ANKRD36B: variants seen among roughly 807,000 people sequenced by gnomAD.
ANKRD36B encodes ankyrin repeat domain 36B.
A neutral mutation model predicts 135.7 loss-of-function variants in ANKRD36B; 37 were observed. That is an observed-to-expected ratio of 0.27 (90% confidence interval 0.21 to 0.36). The LOEUF (loss-of-function observed/expected upper bound fraction) is 0.36. Among genes scored for constraint, ANKRD36B ranks in the 10% least tolerant of loss-of-function variants. The probability of loss-of-function intolerance (pLI) is 1.00; values close to 1 mark genes in which losing one functional copy is unlikely to be tolerated. For missense variants in ANKRD36B, 549 were observed against 1,037.1 expected (o/e 0.53, Z 6.46); for synonymous variants, 179 against 348.1 (o/e 0.51, Z 5.41).
intron 6 of ANKRD36B, among the ~76,000 whole-genome samples, chr2:97,563,700 A>C (rs994400877): frequency 1.1e-4 from 17 of 152,160 alleles, no homozygotes; most frequent in Non-Finnish European, 2.4e-4. Flanking sequence ...TCTCAGGGTC[A>C]TGACATGTCA....
chr2:97,569,041 T>C (rs2081643157), intron 6 of ANKRD36B, among the ~76,000 whole-genome samples: 1 of 152,222 alleles, frequency 6.6e-6, no homozygotes, highest in Non-Finnish European at 1.5e-5. Context: ...TCCAGTTTTA[T>C]AAAGTACAAC....
intron 3 of ANKRD36B, among the ~76,000 whole-genome samples, chr2:97,581,888 C>T (rs879312952): frequency 1.4e-4 from 22 of 152,056 alleles, no homozygotes; most frequent in African/African-American, 4.8e-4. Flanking sequence ...CTGCAACCTC[C>T]GCCTCCCGGA....
intron 6 of ANKRD36B, 109 bp from the exon 7 acceptor site, chr2:97,560,969 A>C: frequency 1.1e-6 from 1 of 901,082 alleles, no homozygotes; most frequent in Non-Finnish European, 1.7e-6. Context: ...TCCTGCCTGT[A>C]TTACTGTAGG....
At position 97,553,178 on chromosome 2, in the gene ANKRD36B, T is replaced by G. The variant is rs2080218343; in HGVS notation, c.1263A>C (p.Lys421Asn). 1.2e-6 allele frequency: 2 copies of G among 1,611,068 alleles called. No homozygotes were observed. The highest frequency in any genetic ancestry group is 1.3e-5 in the African/African-American group (1 of 74,704). The change falls in exon 16 of 44, where the codon AAA becomes AAC. Residue 421 changes from lysine to asparagine, a missense_variant. Transcript: ENST00000359901. ...GTTTTGCAAAATTACCTGTCCCAGA[T>G]TTTTCTCCATCCTTTATTTCTGTGG... ...NIATEIKDGE[K>N]SGTVSSQKKP...
At chr2:97,556,114 T>C (rs1026914622) in intron 12 of ANKRD36B, among the ~76,000 whole-genome samples, 16 of 151,926 alleles carry the variant, frequency 1.1e-4, no homozygotes, top group African/African-American at 3.4e-4. Flanking sequence ...TGGAATATCA[T>C]TGTATTATAA....
chr2:97,548,054 A>G (rs141055278), intron 20 of ANKRD36B, among the ~76,000 whole-genome samples: 1,816 of 151,872 alleles, frequency 0.012, 39 homozygotes, highest in African/African-American at 0.041. Flanking sequence ...AGAAACTCAT[A>G]CACCTGAGAA....
In ANKRD36B at chr2:97,547,712, T is replaced by C. The variant is rs760282420; in HGVS notation, c.1497A>G (p.Pro499=). 82 of 1,561,728 alleles carry C rather than the reference T, an allele frequency of 5.3e-5. No individual in the cohort carries two copies. Among genetic ancestry groups the C allele is most frequent in the Non-Finnish European group, 6.3e-5 (72 of 1,151,020 alleles). The change falls in exon 21 of 44, where the codon CCA becomes CCG. Residue 499 remains proline (P), a synonymous_variant. Transcript: ENST00000359901. The stretch of plus-strand genomic sequence containing the variant: ...ATGACAGTTTCATTACCTTCAAGCC[T>C]GGTGGTTGCTCAAAAGACACTGAAA... ...KSRTVSFEQP[P]GLKATRDEKD...
At chr2:97,536,190 T>G in intron 34 of ANKRD36B, 110 bp downstream of exon 34, 3 of 468,630 alleles carry the variant, frequency 6.4e-6, no homozygotes, top group Non-Finnish European at 1.2e-5. Context: ...TTAGATGAAA[T>G]CCTGAAATAA....
In ANKRD36B at chr2:97,578,982, G is replaced by T. The variant is rs1398815599; in HGVS notation, c.619C>A (p.His207Asn). 2.5e-6 allele frequency: 4 copies of T among 1,612,786 alleles called. No homozygotes were observed. Among genetic ancestry groups the T allele is most frequent in the Non-Finnish European group, 3.4e-6 (4 of 1,179,160 alleles). Residue 207 changes from histidine (H) to asparagine (N), a missense_variant, in exon 5 of 44, where the codon CAC becomes AAC. By Grantham distance (68) the His-to-Asn change is moderately conservative (BLOSUM62 1). Coordinates refer to ENST00000359901, the MANE Select transcript of ANKRD36B (RefSeq NM_001393939.1). ...TCTCGAGAAAACACATCAATATTGT[G>T]CTGCAGAAGAAGAATGACTATATCT... The part of the protein sequence containing the change: ...EKDIVILLLQ[H>N]NIDVFSRDVY...
chr2:97,533,032 T>C lies in ANKRD36B; in HGVS notation c.2192-648A>G, dbSNP rs1305410472. Among the ~76,000 whole-genome samples, 2 of 96,902 alleles carry C rather than the reference T, an allele frequency of 2.1e-5. 1 individual carries two copies. The highest frequency in any genetic ancestry group is 5.5e-5 in the Non-Finnish European group (2 of 36,504). The allele number at this position is 96,902 out of a possible 152,430, so 63.6% of individuals were successfully genotyped here. On this transcript the variant is annotated intron_variant, in intron 34 of 43. Transcript: ENST00000359901. ...CTGTTCTTTACTTCACAATAGTACCTTTAGAACAGCACATTGAGCCTGCTG... is the reference window on the plus strand; with the variant it reads ...CTGTTCTTTACTTCACAATAGTACCCTTAGAACAGCACATTGAGCCTGCTG...
Position 97,580,549 on chromosome 2 carries a change from A to G in ANKRD36B, c.470T>C (p.Leu157Ser). 6.5e-7 allele frequency: 1 copy of G among 1,546,404 alleles called. No homozygotes were observed. The highest frequency in any genetic ancestry group is 8.7e-7 in the Non-Finnish European group (1 of 1,144,080). Residue 157 changes from leucine to serine, a missense_variant, in exon 4 of 44, where the codon TTA becomes TCA. By Grantham distance (145) the Leu-to-Ser change is moderately radical (BLOSUM62 -2). Coordinates refer to ENST00000359901, the MANE Select transcript of ANKRD36B (RefSeq NM_001393939.1). Reference protein sequence around the residue: ...ECSKNEYQPLLLAVSRRKVKM... With the variant: ...ECSKNEYQPLSLAVSRRKVKM... ...CACTTTTCTTCGACTCACAGCAAGT[A>G]ACAGTGGCTGATATTCATTCTGTAA...
chr2:97,537,348 G>A (rs1406677762), intron 32 of ANKRD36B, among the ~76,000 whole-genome samples: 1 of 95,716 alleles, frequency 1.0e-5, no homozygotes, highest in African/African-American at 3.1e-5. Context: ...AGTCTGCTCT[G>A]GAATATCACT....
chr2:97,571,024 C>T (rs1177904113), intron 6 of ANKRD36B, among the ~76,000 whole-genome samples: 1 of 151,870 alleles, frequency 6.6e-6, no homozygotes, highest in Non-Finnish European at 1.5e-5. Flanking sequence ...AATAATTATG[C>T]CAAAAAATGA....
Position 97,551,313 on chromosome 2 carries a change from T to G in ANKRD36B, c.1351A>C (p.Lys451Gln), listed in dbSNP as rs2080041571. 6.4e-7 allele frequency: 1 copy of G among 1,573,146 alleles called. No individual in the cohort carries two copies. The highest frequency in any genetic ancestry group is 8.6e-7 in the Non-Finnish European group (1 of 1,162,368). Residue 451 changes from lysine to glutamine, a missense_variant, in exon 18 of 44, where the codon AAG becomes CAG. Physicochemically the swap from Lys to Gln is moderately conservative, Grantham distance 53. Coordinates refer to ENST00000359901, the MANE Select transcript of ANKRD36B (RefSeq NM_001393939.1). ...CCTGTCCTAGATATTTCTCCATCCT[T>G]TTTTTCTCTGGTTATATTCGAAAAA... Reference protein sequence around the residue: ...DSFSNITREKKDGEISRTVSS... With the variant: ...DSFSNITREKQDGEISRTVSS...
intron 6 of ANKRD36B, 81 bp from the exon 7 acceptor site, chr2:97,560,941 T>C (rs956741551): frequency 3.0e-5 from 35 of 1,178,398 alleles, no homozygotes; most frequent in Non-Finnish European, 4.0e-5. Flanking sequence ...GATAGCATGT[T>C]AGCATCAAGT....
chr2:97,548,508 T>G (rs1439098895), intron 20 of ANKRD36B, among the ~76,000 whole-genome samples: 1 of 151,970 alleles, frequency 6.6e-6, no homozygotes, highest in Non-Finnish European at 1.5e-5. Flanking sequence ...CTTTCAGAAA[T>G]CACTGCAATA....
chr2:97,558,330 C>T (rs2080716285), intron 10 of ANKRD36B, among the ~76,000 whole-genome samples: 1 of 151,994 alleles, frequency 6.6e-6, no homozygotes, highest in Non-Finnish European at 1.5e-5. Context: ...TCTTATTTTC[C>T]CTCCTTCCTG....
In ANKRD36B at chr2:97,527,193, A is replaced by C. The variant is rs1392927969; in HGVS notation, c.2266-3726T>G. On this transcript the variant is annotated intron_variant, in intron 35 of 43. Transcript: ENST00000359901. ...CCCACAAAGGGAAGCCCATCAGACTAACAGTGGATCTCTCGGCAGAAACTC... is the reference window on the plus strand; with the variant it reads ...CCCACAAAGGGAAGCCCATCAGACTCACAGTGGATCTCTCGGCAGAAACTC... Among the ~76,000 whole-genome samples the C allele has an allele frequency of 5.2e-5, 5 of 96,846 alleles. 1 individual carries two copies. The East Asian group carries it at 1.2e-3, about 22-fold the overall frequency. The allele number at this position is 96,846 out of a possible 152,430, so 63.5% of individuals were successfully genotyped here. A position where few individuals can be genotyped will look rare whatever the true frequency, so the allele number is the denominator to read the frequency against.
chr2:97,578,927 G>T lies in ANKRD36B; in HGVS notation c.674C>A (p.Ala225Asp). ...TTACACTCTATTCTCAGCCTCACTG[G>T]CATAATCTTCTGCAAGCTTTCCATA... ...DVYGKLAEDY[A>D]SEAENRVIFD... is the part of the protein sequence containing the mutation. Residue 225 changes from alanine (A) to aspartate (D), a missense_variant, in exon 5 of 44, where the codon GCC becomes GAC. By Grantham distance (126) the Ala-to-Asp change is moderately radical. Coordinates refer to ENST00000359901, the MANE Select transcript of ANKRD36B (RefSeq NM_001393939.1). The T allele has an allele frequency of 6.2e-7, 1 of 1,612,746 alleles. No individual in the cohort carries two copies. Among genetic ancestry groups the T allele is most frequent in the East Asian group, 2.2e-5 (1 of 44,822 alleles).
Sources: allele counts gnomAD v4.1 joint callset (sites outside exome capture counted in the v4.1 genomes callset), GRCh38; gene constraint gnomAD v4.1.1; transcripts MANE v1.5; gene names NCBI Gene and HGNC (gene_info 2026-07-23, HGNC 2026-07-21).